The following DLG2 variants were observed in gnomAD, a reference collection of about 807,000 sequenced individuals.
The protein encoded by DLG2 is discs large MAGUK scaffold protein 2.
Under a neutral mutation model 132.5 loss-of-function variants are expected in DLG2, and 45 were observed. The observed-to-expected ratio is 0.34, with a 90% CI of 0.27 to 0.44. The LOEUF (loss-of-function observed/expected upper bound fraction) is 0.44, where lower values mean the gene tolerates loss of function less well. Ranked by LOEUF, DLG2 falls within the 20% of genes least tolerant of loss-of-function variation. The pLI, the probability that DLG2 is intolerant of heterozygous loss-of-function variation, is 1.00. For missense variants in DLG2, 1,045 were observed against 1,196.9 expected, an observed-to-expected ratio of 0.87 and a Z score of 1.87; for synonymous variants, 424 against 419.6, an observed-to-expected ratio of 1.01 and a Z score of -0.13.
At chr11:84,243,199 C>A (rs189708780) in intron 8 of DLG2, among the ~76,000 whole-genome samples, 2 of 152,092 alleles carry the variant, frequency 1.3e-5, no homozygotes, top group Non-Finnish European at 2.9e-5. Context: ...TTGTTTAATA[C>A]AATACCCATT....
At chr11:85,224,232 T>C (rs1758811304) in intron 4 of DLG2, among the ~76,000 whole-genome samples, 1 of 152,244 alleles carries the variant, frequency 6.6e-6, no homozygotes, top group Non-Finnish European at 1.5e-5. Context: ...ACATAATAAT[T>C]GACAGAAATC....
intron 2 of DLG2, among the ~76,000 whole-genome samples, chr11:85,623,864 C>T (rs1202813060): frequency 6.6e-6 from 1 of 152,160 alleles, no homozygotes; most frequent in Non-Finnish European, 1.5e-5. Flanking sequence ...CAGATCAATT[C>T]AAGAAGACTT....
intron 3 of DLG2, among the ~76,000 whole-genome samples, chr11:85,466,187 C>G (rs116570632): frequency 4.6e-5 from 7 of 151,906 alleles, no homozygotes; most frequent in African/African-American, 1.5e-4. Flanking sequence ...TTGGAGTTCA[C>G]TGTATGTAGA....
chr11:85,148,748 G>A (rs1220520268), intron 5 of DLG2, among the ~76,000 whole-genome samples: 2 of 152,154 alleles, frequency 1.3e-5, no homozygotes, highest in East Asian at 3.8e-4. Flanking sequence ...AAGCTCTGTA[G>A]TTTAATTAGA....
chr11:85,020,553 G>T (rs1054179768), intron 6 of DLG2, among the ~76,000 whole-genome samples: 2 of 152,076 alleles, frequency 1.3e-5, no homozygotes, highest in Non-Finnish European at 2.9e-5. Context: ...TGTCCTGAAT[G>T]GTACTGCCTA....
chr11:85,412,033 T>A (rs921437542), intron 3 of DLG2, among the ~76,000 whole-genome samples: 1 of 151,842 alleles, frequency 6.6e-6, no homozygotes, highest in Non-Finnish European at 1.5e-5. Context: ...TGAACTCAGG[T>A]CCAATTTGAG....
chr11:84,386,022 C>T (rs1247955129), intron 7 of DLG2, among the ~76,000 whole-genome samples: 2 of 152,040 alleles, frequency 1.3e-5, no homozygotes, highest in African/African-American at 2.4e-5. Context: ...GCGAAGGACT[C>T]AGAATAGCAC....
intron 6 of DLG2, among the ~76,000 whole-genome samples, chr11:84,976,144 T>C (rs143008650): frequency 6.6e-6 from 1 of 152,310 alleles, no homozygotes; most frequent in Non-Finnish European, 1.5e-5. Context: ...TTATGTCTTA[T>C]GACTCCTTTC....
chr11:85,465,933 G>A (rs2092773683), intron 3 of DLG2, among the ~76,000 whole-genome samples: 1 of 152,074 alleles, frequency 6.6e-6, no homozygotes. Flanking sequence ...CAGTGTAAAA[G>A]TGTTCCCATT....
At chr11:84,697,027 A>G (rs967275904) in intron 6 of DLG2, among the ~76,000 whole-genome samples, 5 of 151,400 alleles carry the variant, frequency 3.3e-5, no homozygotes, top group African/African-American at 1.2e-4. Context: ...GCTAAGGGAA[A>G]TAGAGGAGTT....
chr11:85,384,087 T>C (rs1044207002), intron 3 of DLG2, among the ~76,000 whole-genome samples: 1 of 152,212 alleles, frequency 6.6e-6, no homozygotes. Context: ...GAATTTTATG[T>C]GCACTTGTCT....
chr11:83,576,107 A>C (rs2096869725), intron 19 of DLG2, among the ~76,000 whole-genome samples: 1 of 152,242 alleles, frequency 6.6e-6, no homozygotes. Context: ...ACAATGTTGA[A>C]AATGAAAAAT....
In DLG2 at chr11:85,445,935, C is replaced by T. The variant is rs543490842; in HGVS notation, c.40+152722G>A. On this transcript the variant is annotated intron_variant, in intron 3 of 27. Coordinates refer to ENST00000376104, the MANE Select transcript of DLG2 (RefSeq NM_001142699.3). Reference sequence around the variant, plus strand: ...ATATATTATGTACACTGCCTCTAATCTACAGATGAGAAATTTTAGGCACAG... The same window carrying T: ...ATATATTATGTACACTGCCTCTAATTTACAGATGAGAAATTTTAGGCACAG... Among the ~76,000 whole-genome samples the T allele has an allele frequency of 4.1e-3, 624 of 152,266 alleles. 2 individuals carry two copies. The highest frequency in any genetic ancestry group is 5.2e-3 in the Non-Finnish European group (353 of 68,020).
intron 3 of DLG2, among the ~76,000 whole-genome samples, chr11:85,539,892 G>C (rs1012003385): frequency 2.0e-5 from 3 of 152,138 alleles, no homozygotes; most frequent in African/African-American, 7.2e-5. Flanking sequence ...ATTTCAGCTG[G>C]GGCTTCAGGC....
intron 4 of DLG2, among the ~76,000 whole-genome samples, chr11:85,174,366 T>C (rs184676437): frequency 1.2e-3 from 177 of 152,314 alleles, no homozygotes; most frequent in African/African-American, 4.1e-3. Context: ...TGCTCCTGAA[T>C]GACACTTTGG....
chr11:84,744,939 T>C (rs2065168636), intron 6 of DLG2, among the ~76,000 whole-genome samples: 1 of 134,178 alleles, frequency 7.5e-6, no homozygotes, highest in African/African-American at 2.7e-5. Context: ...ACAAATCACC[T>C]CCATAAAACA....
At position 83,969,855 on chromosome 11, in the gene DLG2, G is replaced by A. The variant is rs530839992; in HGVS notation, c.1057-4387C>T. On this transcript the variant is annotated intron_variant, in intron 12 of 27. Transcript: ENST00000376104. ...CTCAAAGTGCTGGGATTACAGGCGT[G>A]AGCCACCACACCTGGCCGATAATGA... Among the ~76,000 whole-genome samples the A allele has an allele frequency of 9.2e-5, 14 of 152,086 alleles. No individual in the cohort carries two copies. In the South Asian group the frequency reaches 2.9e-3, roughly 32 times the overall value.
intron 3 of DLG2, among the ~76,000 whole-genome samples, chr11:85,492,070 A>G (rs1323791009): frequency 6.6e-6 from 1 of 152,138 alleles, no homozygotes; most frequent in Non-Finnish European, 1.5e-5. Context: ...AGAATAGTTA[A>G]CAATGTAATA....
At chr11:84,923,696 G>T in intron 6 of DLG2, 1 of 513,936 alleles carries the variant, frequency 1.9e-6, no homozygotes, top group South Asian at 8.5e-5. Context: ...ATCACCGCAA[G>T]CATGTCTCAT....
Sources: gnomAD v4.1 joint callset for allele counts (sites outside exome capture counted in the v4.1 genomes callset) on GRCh38, gnomAD v4.1.1 for gene constraint, MANE v1.5 for transcripts, NCBI Gene and HGNC (gene_info 2026-07-23, HGNC 2026-07-21) for gene names.